The following PARD3 variants were observed in gnomAD, a reference collection of about 807,000 sequenced individuals.
PARD3 encodes par-3 family cell polarity regulator.
Under a neutral mutation model 155.4 loss-of-function variants are expected in PARD3, and 75 were observed. The observed-to-expected ratio is 0.48, with a 90% CI of 0.40 to 0.58. The LOEUF is 0.58. Among genes scored for constraint, PARD3 ranks in the 20% least tolerant of loss-of-function variants. The pLI is 0.00. For missense variants in PARD3, 1,642 were observed against 1,721.7 expected (o/e 0.95, Z 0.82); for synonymous variants, 576 against 610.5 (o/e 0.94, Z 0.83).
chr10:34,372,132 AT>A (rs1489749340), intron 12 of PARD3, among the ~76,000 whole-genome samples: 1 of 151,524 alleles, frequency 6.6e-6, no homozygotes, highest in African/African-American at 2.4e-5. Flanking sequence ...TTTTTCCATG[AT>A]TGAATCAAGT....
intron 5 of PARD3, among the ~76,000 whole-genome samples, chr10:34,429,552 C>CAGTTTAGTTT (rs577728672): frequency 7.4e-6 from 1 of 134,426 alleles, no homozygotes. Flanking sequence ...CACTCTAACT[C>CAGTTTAGTTT]AGTTTTGTTT....
chr10:34,322,323 C>T (rs1386227447), intron 19 of PARD3, among the ~76,000 whole-genome samples: 1 of 152,130 alleles, frequency 6.6e-6, no homozygotes, highest in Non-Finnish European at 1.5e-5. Flanking sequence ...TCATGGATAG[C>T]AGAGCAGAAG....
At chr10:34,422,849 G>A (rs552023725) in intron 5 of PARD3, among the ~76,000 whole-genome samples, 36 of 152,162 alleles carry the variant, frequency 2.4e-4, no homozygotes, top group Middle Eastern at 3.4e-3. Flanking sequence ...AAATTAGTAC[G>A]GCTATTATGA....
intron 5 of PARD3, among the ~76,000 whole-genome samples, chr10:34,412,748 T>C (rs1481971977): frequency 6.6e-6 from 1 of 152,188 alleles, no homozygotes; most frequent in East Asian, 1.9e-4. Context: ...AAATCCGGGA[T>C]TCATGATTTG....
intron 1 of PARD3, among the ~76,000 whole-genome samples, chr10:34,788,077 C>T (rs1231502978): frequency 6.6e-6 from 1 of 151,892 alleles, no homozygotes; most frequent in East Asian, 1.9e-4. Context: ...AGTAACGTCG[C>T]CCCAGCCCCA....
intron 3 of PARD3, among the ~76,000 whole-genome samples, chr10:34,502,091 G>A (rs1290442321): frequency 3.3e-5 from 5 of 152,290 alleles, no homozygotes; most frequent in South Asian, 4.1e-4. Flanking sequence ...TCTTGCACTC[G>A]CAGCCTGTAG....
chr10:34,790,253 C>G (rs189946990), intron 1 of PARD3, among the ~76,000 whole-genome samples: 11 of 152,288 alleles, frequency 7.2e-5, no homozygotes, highest in African/African-American at 2.4e-4. Flanking sequence ...AAATAAAACA[C>G]GCTCACACAT....
At chr10:34,629,497 T>C (rs2092154020) in intron 2 of PARD3, among the ~76,000 whole-genome samples, 1 of 152,138 alleles carries the variant, frequency 6.6e-6, no homozygotes, top group Non-Finnish European at 1.5e-5. Context: ...GAATCCAGAT[T>C]TGGGAATAGG....
chr10:34,776,859 T>G (rs956544558), intron 1 of PARD3, among the ~76,000 whole-genome samples: 5 of 127,454 alleles, frequency 3.9e-5, no homozygotes, highest in Admixed American at 1.6e-4. Flanking sequence ...GGGTGGGGGA[T>G]GGAGTCTCAC....
intron 1 of PARD3, among the ~76,000 whole-genome samples, chr10:34,769,803 AC>A (rs772597252): frequency 0.039 from 2,658 of 67,858 alleles, 104 homozygotes; most frequent in African/African-American, 0.13. Flanking sequence ...AAAAAACAAA[AC>A]AAAAAAAAAA....
intron 1 of PARD3, among the ~76,000 whole-genome samples, chr10:34,797,587 T>C (rs1425052419): frequency 6.6e-6 from 1 of 152,196 alleles, no homozygotes; most frequent in Non-Finnish European, 1.5e-5. Flanking sequence ...AAGCAACTCT[T>C]GCAAGAGAAG....
intron 22 of PARD3, among the ~76,000 whole-genome samples, chr10:34,209,052 A>G (rs1208250796): frequency 6.6e-6 from 1 of 152,242 alleles, no homozygotes; most frequent in Non-Finnish European, 1.5e-5. Context: ...AAAATTCCAC[A>G]TATAATATTC....
intron 2 of PARD3, among the ~76,000 whole-genome samples, chr10:34,678,002 T>TAC (rs148878124): frequency 0.02 from 3,111 of 152,292 alleles, 105 homozygotes; most frequent in African/African-American, 0.071. Flanking sequence ...AGCCTAAACT[T>TAC]ACAGTCATAT....
intron 2 of PARD3, among the ~76,000 whole-genome samples, chr10:34,656,273 T>C (rs1280067304): frequency 1.3e-5 from 2 of 152,194 alleles, no homozygotes; most frequent in East Asian, 3.9e-4. Context: ...GAAATGCATG[T>C]CAGTTCCACA....
At chr10:34,185,811 CTATAT>C (rs200395816) in intron 22 of PARD3, among the ~76,000 whole-genome samples, 34,515 of 143,524 alleles carry the variant, frequency 0.24, 4,609 homozygotes, top group East Asian at 0.36. Flanking sequence ...GTAACATCTT[CTATAT>C]TATATTATAT....
chr10:34,138,971 A>AAG (rs992403500), intron 22 of PARD3, among the ~76,000 whole-genome samples: 3 of 152,012 alleles, frequency 2.0e-5, no homozygotes, highest in African/African-American at 7.2e-5. Flanking sequence ...CCAAAAAAAA[A>AAG]AAAGAAAAAA....
At chr10:34,419,634 G>A (rs989145250) in intron 5 of PARD3, among the ~76,000 whole-genome samples, 1 of 152,142 alleles carries the variant, frequency 6.6e-6, no homozygotes, top group African/African-American at 2.4e-5. Context: ...TTAAATGTTA[G>A]GTAGTTACTA....
chr10:34,230,908 C>A (rs969972640), intron 22 of PARD3, among the ~76,000 whole-genome samples: 2 of 151,992 alleles, frequency 1.3e-5, no homozygotes, highest in African/African-American at 4.8e-5. Flanking sequence ...AGGATACAGT[C>A]CCAGCTACTT....
intron 1 of PARD3, among the ~76,000 whole-genome samples, chr10:34,729,616 A>G (rs1468839193): frequency 6.6e-6 from 1 of 152,172 alleles, no homozygotes; most frequent in African/African-American, 2.4e-5. Context: ...TGTAAAATGG[A>G]AGCTAAACAT....
Sources: allele counts gnomAD v4.1 joint callset (sites outside exome capture counted in the v4.1 genomes callset), GRCh38; gene constraint gnomAD v4.1.1; transcripts MANE v1.5; gene names NCBI Gene and HGNC (gene_info 2026-07-23, HGNC 2026-07-21).